SRGAP3: variants seen among roughly 807,000 people sequenced by gnomAD.
SRGAP3 encodes SLIT-ROBO Rho GTPase activating protein 3.
In SRGAP3, 39 loss-of-function variants were observed where a neutral mutation model predicts 121.1. The ratio of observed to expected loss-of-function variants is 0.32; its 90% CI spans 0.25 to 0.42. The LOEUF (loss-of-function observed/expected upper bound fraction) is 0.42, where lower values mean the gene tolerates loss of function less well. Ranked by LOEUF, SRGAP3 falls within the 10% of genes least tolerant of loss-of-function variation. The probability of loss-of-function intolerance (pLI) is 1.00; values close to 1 mark genes in which losing one functional copy is unlikely to be tolerated. For synonymous variants in SRGAP3, 601 were observed against 570.0 expected, an observed-to-expected ratio of 1.05 and a Z score of -0.77; for missense variants, 1,213 against 1,470.6, an observed-to-expected ratio of 0.82 and a Z score of 2.86.
chr3:9,344,826 G>A (rs564304015), intron 1 of SRGAP3, among the ~76,000 whole-genome samples: 64 of 152,184 alleles, frequency 4.2e-4, no homozygotes, highest in African/African-American at 1.5e-3. Flanking sequence ...CACGAGGTCA[G>A]GAAATCAAGA....
chr3:9,148,434 C>T (rs1333363387), intron 1 of SRGAP3, among the ~76,000 whole-genome samples: 1 of 152,182 alleles, frequency 6.6e-6, no homozygotes, highest in Non-Finnish European at 1.5e-5. Context: ...AGCATCTTTT[C>T]AGAACAGTTT....
chr3:9,213,148 G>A (rs1952502887), intron 1 of SRGAP3, among the ~76,000 whole-genome samples: 1 of 152,190 alleles, frequency 6.6e-6, no homozygotes, highest in Admixed American at 6.5e-5. Context: ...CTGCTCCTGT[G>A]CACACTGGAG....
chr3:9,291,977 T>C (rs13067386), intron 3 of SRGAP3, among the ~76,000 whole-genome samples: 22,127 of 152,136 alleles, frequency 0.15, 1,884 homozygotes, highest in South Asian at 0.2. Flanking sequence ...GATGTGGCTG[T>C]TTCTCATTAA....
chr3:9,064,470 T>C lies in SRGAP3; in HGVS notation c.598A>G (p.Met200Val), dbSNP rs1214507067. 3.6e-5 allele frequency: 58 copies of C among 1,614,128 alleles called. No homozygotes were observed. The highest frequency in any genetic ancestry group is 4.7e-5 in the Non-Finnish European group (55 of 1,180,046). Reference protein sequence around the residue: ...KQFNKSGDLSMNLLRHEDRPQ... With the variant: ...KQFNKSGDLSVNLLRHEDRPQ... ...CGGTCCTCGTGCCGGAGCAGGTTCATGCTGAGGTCTCCTGACTTATTGAAC... is the reference window on the plus strand; with the variant it reads ...CGGTCCTCGTGCCGGAGCAGGTTCACGCTGAGGTCTCCTGACTTATTGAAC... The change falls in exon 5 of 22, where the codon ATG (methionine) becomes GTG (valine). Residue 200 changes from methionine (M) to valine (V), a missense_variant. Transcript: ENST00000383836.
chr3:8,998,376 C>T (rs990292394), intron 18 of SRGAP3, among the ~76,000 whole-genome samples: 3 of 152,146 alleles, frequency 2.0e-5, no homozygotes, highest in Non-Finnish European at 4.4e-5. Flanking sequence ...ATGTCATTGC[C>T]TTACCAAGGC....
intron 4 of SRGAP3, among the ~76,000 whole-genome samples, chr3:9,074,739 G>C (rs1310381782): frequency 1.3e-5 from 2 of 152,198 alleles, no homozygotes; most frequent in Admixed American, 6.5e-5. Context: ...AGATTTGCCT[G>C]TTGGCCCAGA....
chr3:9,349,010 G>C, intron 1 of SRGAP3: 1 of 936,928 alleles, frequency 1.1e-6, no homozygotes, highest in Non-Finnish European at 1.8e-6. Context: ...CAGCCCCCCG[G>C]GCATTGTCAA....
intron 1 of SRGAP3, among the ~76,000 whole-genome samples, chr3:9,212,166 A>C (rs2125179759): frequency 6.6e-6 from 1 of 152,344 alleles, no homozygotes; most frequent in South Asian, 2.1e-4. Flanking sequence ...TGGAAACCTC[A>C]GTGTCACTTT....
intron 12 of SRGAP3, 104 bp downstream of exon 12, chr3:9,032,546 G>C (rs1323012691): frequency 9.5e-7 from 1 of 1,047,694 alleles, no homozygotes; most frequent in African/African-American, 1.6e-5. Flanking sequence ...TAGCTCCACA[G>C]GGCCTGGCCA....
intron 1 of SRGAP3, among the ~76,000 whole-genome samples, chr3:9,137,007 T>C (rs185795140): frequency 1.8e-3 from 270 of 152,304 alleles, no homozygotes; most frequent in African/African-American, 5.1e-3. Context: ...GCAGACATTT[T>C]GGAGCTGTGT....
intron 1 of SRGAP3, among the ~76,000 whole-genome samples, chr3:9,146,430 G>A (rs1950025596): frequency 2.0e-5 from 3 of 152,186 alleles, no homozygotes; most frequent in African/African-American, 7.2e-5. Context: ...AACCAGAGGT[G>A]CAGACAGGTA....
chr3:9,138,352 T>A (rs1442787992), intron 1 of SRGAP3, among the ~76,000 whole-genome samples: 1 of 152,146 alleles, frequency 6.6e-6, no homozygotes, highest in African/African-American at 2.4e-5. Context: ...CACAAAATAA[T>A]GTTATTAAAT....
intron 3 of SRGAP3, among the ~76,000 whole-genome samples, chr3:9,086,706 ACAT>A (rs1233616687): frequency 2.7e-5 from 2 of 74,132 alleles, no homozygotes; most frequent in Non-Finnish European, 6.4e-5. Flanking sequence ...ATATACACAC[ACAT>A]CTACACATAT....
chr3:9,065,700 T>C (rs1946398733), intron 4 of SRGAP3, among the ~76,000 whole-genome samples: 1 of 152,238 alleles, frequency 6.6e-6, no homozygotes, highest in African/African-American at 2.4e-5. Context: ...AGTATTCCAT[T>C]GTATGGCTAT....
chr3:8,989,631 A>C (rs1239861169), intron 21 of SRGAP3, among the ~76,000 whole-genome samples: 1 of 152,196 alleles, frequency 6.6e-6, no homozygotes, highest in Non-Finnish European at 1.5e-5. Flanking sequence ...CCCCACACCA[A>C]ATTCCAGAGA....
At chr3:9,112,958 T>A (rs1948682681) in intron 2 of SRGAP3, among the ~76,000 whole-genome samples, 1 of 152,106 alleles carries the variant, frequency 6.6e-6, no homozygotes. Flanking sequence ...GATGGGTAGG[T>A]TTTAACACAG....
rs1952704951 is a variant in SRGAP3 at position 9,218,515 on chromosome 3, G to A, written c.67+30370C>T. The A allele has an allele frequency of 1.3e-5, 2 of 152,090 alleles. No homozygotes were observed. The highest frequency in any genetic ancestry group is 2.1e-4 in the South Asian group (1 of 4,810). The allele number at this position is 152,090 out of a possible 1,614,324, so 9.4% of individuals were successfully genotyped here. The stretch of plus-strand genomic sequence containing the variant: ...CTCAGAATACTTCTCAACACAGACC[G>A]CCAGCTGTCACTGCAATCCAGCACA... On this transcript the variant is annotated intron_variant, in intron 1 of 21. Coordinates refer to ENST00000383836, the MANE Select transcript of SRGAP3 (RefSeq NM_014850.4). The surrounding 1 kb of genome is among the most constrained non-coding windows in gnomAD (Gnocchi z 5.3).
rs143058043 is a variant in SRGAP3, at chr3:9,005,577, G to A, written c.2227+4731C>T. Among the ~76,000 whole-genome samples the A allele has an allele frequency of 5.3e-5, 8 of 152,262 alleles. No individual in the cohort carries two copies. In the East Asian group the frequency reaches 1.5e-3, roughly 29 times the overall value. On this transcript the variant is annotated intron_variant, in intron 18 of 21. Transcript: ENST00000383836. ...ACAAAGTCTGGCATTTTCATGTGAT[G>A]GAATATTATTCAGCCATCAAAAATT...
chr3:9,030,320 C>T (rs1559955244), intron 12 of SRGAP3, among the ~76,000 whole-genome samples: 1 of 152,238 alleles, frequency 6.6e-6, no homozygotes. Context: ...TGGGCTGTCG[C>T]TGCTGGGGTG....
Sources: allele counts gnomAD v4.1 joint callset (sites outside exome capture counted in the v4.1 genomes callset), GRCh38; gene constraint gnomAD v4.1.1; non-coding constraint Gnocchi (gnomAD v3.1); transcripts MANE v1.5; gene names NCBI Gene and HGNC (gene_info 2026-07-23, HGNC 2026-07-21).